Variants in HS6ST3 observed in about 807,000 individuals in gnomAD.
HS6ST3 encodes the protein heparan sulfate 6-O-sulfotransferase 3.
In HS6ST3, 12 loss-of-function variants were observed where a neutral mutation model predicts 36.7. The ratio of observed to expected loss-of-function variants is 0.33; its 90% CI spans 0.21 to 0.53. The LOEUF (loss-of-function observed/expected upper bound fraction) is 0.53, where lower values mean the gene tolerates loss of function less well. Among genes scored for constraint, HS6ST3 ranks in the 20% least tolerant of loss-of-function variants. The pLI is 0.95. For synonymous variants in HS6ST3, 240 were observed against 257.5 expected (o/e 0.93, Z 0.65); for missense variants, 584 against 640.9 (o/e 0.91, Z 0.96).
At chr13:96,297,654 G>A (rs1441381006) in intron 1 of HS6ST3, among the ~76,000 whole-genome samples, 1 of 152,000 alleles carries the variant, frequency 6.6e-6, no homozygotes, top group Non-Finnish European at 1.5e-5. Flanking sequence ...TTTTTTCTAA[G>A]TATAGTTCTC....
chr13:96,765,353 T>A lies in HS6ST3; in HGVS notation c.708-67137T>A, dbSNP rs987594942. Among the ~76,000 whole-genome samples the A allele has an allele frequency of 2.0e-5, 3 of 152,122 alleles. No individual in the cohort carries two copies. The East Asian group carries it at 5.8e-4, about 29-fold the overall frequency. On this transcript the variant is annotated intron_variant, in intron 1 of 1. Coordinates refer to ENST00000376705, the MANE Select transcript of HS6ST3 (RefSeq NM_153456.4). ...TCCCAAAGTGCTGGGATTACAGGCG[T>A]GAACCACCGCACCCGGCCACACTTG...
rs2056434872 is a variant in HS6ST3 at position 96,605,324 on chromosome 13, A to T, written c.708-227166A>T. Reference sequence around the variant, plus strand: ...TTTTGAAAGAATGCCTAAATGCTGAAAATTACGACTTACTGCACTAATCAT... The same window carrying T: ...TTTTGAAAGAATGCCTAAATGCTGATAATTACGACTTACTGCACTAATCAT... On this transcript the variant is annotated intron_variant, in intron 1 of 1. Transcript: ENST00000376705. Among the ~76,000 whole-genome samples the T allele has an allele frequency of 2.0e-5, 3 of 152,172 alleles. No individual in the cohort carries two copies. The South Asian group carries it at 6.2e-4, about 32-fold the overall frequency.
chr13:96,772,757 G>A (rs1181012428), intron 1 of HS6ST3, among the ~76,000 whole-genome samples: 2 of 152,166 alleles, frequency 1.3e-5, no homozygotes, highest in African/African-American at 2.4e-5. Context: ...TGTAATATTG[G>A]CCAAAACATG....
At chr13:96,186,050 A>G (rs961257717) in intron 1 of HS6ST3, among the ~76,000 whole-genome samples, 1 of 152,332 alleles carries the variant, frequency 6.6e-6, no homozygotes. Flanking sequence ...ATATGCATGC[A>G]TATGTATGTA....
chr13:96,543,506 C>T (rs938097152), intron 1 of HS6ST3, among the ~76,000 whole-genome samples: 1 of 152,218 alleles, frequency 6.6e-6, no homozygotes, highest in African/African-American at 2.4e-5. Context: ...GCTCTTTACA[C>T]TGGAATCTTC....
At chr13:96,634,629 G>T (rs554012329) in intron 1 of HS6ST3, among the ~76,000 whole-genome samples, 1 of 152,036 alleles carries the variant, frequency 6.6e-6, no homozygotes, top group African/African-American at 2.4e-5. Context: ...TCACTCTACC[G>T]CAATGTGGCA....
intron 1 of HS6ST3, among the ~76,000 whole-genome samples, chr13:96,359,525 C>T (rs1191248997): frequency 6.6e-6 from 1 of 152,132 alleles, no homozygotes; most frequent in African/African-American, 2.4e-5. Context: ...AGCTCGGTAT[C>T]ACCTGGGACA....
At chr13:96,172,016 C>T (rs1297177114) in intron 1 of HS6ST3, among the ~76,000 whole-genome samples, 2 of 152,164 alleles carry the variant, frequency 1.3e-5, no homozygotes, top group Non-Finnish European at 2.9e-5. Context: ...GAGCCCTGCA[C>T]AACTTCACAA....
At chr13:96,488,720 G>T (rs1265310967) in intron 1 of HS6ST3, among the ~76,000 whole-genome samples, 3 of 152,018 alleles carry the variant, frequency 2.0e-5, no homozygotes, top group Admixed American at 6.6e-5. Flanking sequence ...ACTGCCATCT[G>T]CATGATAGTT....
intron 1 of HS6ST3, among the ~76,000 whole-genome samples, chr13:96,188,398 T>C (rs2054274338): frequency 6.6e-6 from 1 of 152,140 alleles, no homozygotes; most frequent in East Asian, 1.9e-4. Context: ...GAGAATCTCT[T>C]GAGGCCAGGA....
intron 1 of HS6ST3, among the ~76,000 whole-genome samples, chr13:96,187,754 G>T (rs967551019): frequency 2.0e-5 from 3 of 152,142 alleles, no homozygotes; most frequent in African/African-American, 7.2e-5. Flanking sequence ...AGCCAATGCC[G>T]TGTTGGTGTT....
At chr13:96,223,109 T>C (rs2054463923) in intron 1 of HS6ST3, among the ~76,000 whole-genome samples, 1 of 152,242 alleles carries the variant, frequency 6.6e-6, no homozygotes, top group South Asian at 2.1e-4. Context: ...ATGCTTGCTT[T>C]GGAATACTTG....
At chr13:96,177,283 A>G (rs1170714360) in intron 1 of HS6ST3, among the ~76,000 whole-genome samples, 1 of 152,216 alleles carries the variant, frequency 6.6e-6, no homozygotes, top group Non-Finnish European at 1.5e-5. Context: ...ATATACTCAG[A>G]TTAATGTAAA....
intron 1 of HS6ST3, among the ~76,000 whole-genome samples, chr13:96,562,081 T>C (rs2056264340): frequency 6.6e-6 from 1 of 152,222 alleles, no homozygotes; most frequent in Non-Finnish European, 1.5e-5. Flanking sequence ...TGCATGAGTA[T>C]GTTCATCGCA....
chr13:96,715,808 C>G (rs1875681187), intron 1 of HS6ST3, among the ~76,000 whole-genome samples: 1 of 152,184 alleles, frequency 6.6e-6, no homozygotes. Context: ...GGTTCATATA[C>G]AGTTTTAAGA....
At chr13:96,134,591 ATTTAT>A (rs1334508137) in intron 1 of HS6ST3, among the ~76,000 whole-genome samples, 1 of 151,700 alleles carries the variant, frequency 6.6e-6, no homozygotes, top group Non-Finnish European at 1.5e-5. Context: ...TTTCATGTTT[ATTTAT>A]TTATCTATTG....
intron 1 of HS6ST3, among the ~76,000 whole-genome samples, chr13:96,241,999 A>G (rs1373485313): frequency 1.3e-5 from 2 of 151,642 alleles, no homozygotes; most frequent in Non-Finnish European, 2.9e-5. Context: ...GTTAGCCAGG[A>G]TGGTCTCGAT....
intron 1 of HS6ST3, among the ~76,000 whole-genome samples, chr13:96,568,180 T>A (rs1024305295): frequency 2.0e-5 from 3 of 152,180 alleles, no homozygotes; most frequent in Non-Finnish European, 4.4e-5. Flanking sequence ...CATTACAGCA[T>A]TGTTAGAAGT....
chr13:96,693,956 T>C (rs1875049741), intron 1 of HS6ST3, among the ~76,000 whole-genome samples: 1 of 152,178 alleles, frequency 6.6e-6, no homozygotes, highest in Non-Finnish European at 1.5e-5. Flanking sequence ...GCTTGAGCAG[T>C]CATTTCCTTC....
Sources: gnomAD v4.1 joint callset for allele counts (sites outside exome capture counted in the v4.1 genomes callset) on GRCh38, gnomAD v4.1.1 for gene constraint, MANE v1.5 for transcripts, NCBI Gene and HGNC (gene_info 2026-07-23, HGNC 2026-07-21) for gene names.